The following MYO10 variants were observed in gnomAD, a reference collection of about 807,000 sequenced individuals.
MYO10 encodes the protein myosin X.
In MYO10, 133 loss-of-function variants were observed where a neutral mutation model predicts 257.3. That is an observed-to-expected ratio of 0.52 (90% CI 0.45 to 0.60). The LOEUF (loss-of-function observed/expected upper bound fraction) is 0.60, where lower values mean the gene tolerates loss of function less well. MYO10 is among the 20% of genes least tolerant of loss of function. The pLI, the probability that MYO10 is intolerant of heterozygous loss-of-function variation, is 0.00. For missense variants in MYO10, 2,399 were observed against 2,635.7 expected, an observed-to-expected ratio of 0.91 and a Z score of 1.97; for synonymous variants, 1,104 against 1,028.6, an observed-to-expected ratio of 1.07 and a Z score of -1.40.
At chr5:16,686,036 T>C (rs1737238760) in intron 28 of MYO10, among the ~76,000 whole-genome samples, 1 of 152,208 alleles carries the variant, frequency 6.6e-6, no homozygotes, top group African/African-American at 2.4e-5. Context: ...TGCCTTTTAG[T>C]GCTATATTAT....
intron 26 of MYO10, among the ~76,000 whole-genome samples, chr5:16,696,125 G>A (rs752033628): frequency 5.9e-4 from 90 of 152,144 alleles, no homozygotes; most frequent in Non-Finnish European, 1.0e-3. Context: ...GAGTCATCAC[G>A]ACAGCTCTCA....
At chr5:16,900,952 C>T (rs1745361418) in intron 1 of MYO10, among the ~76,000 whole-genome samples, 1 of 152,092 alleles carries the variant, frequency 6.6e-6, no homozygotes, top group South Asian at 2.1e-4. Context: ...GTTGGCCAGG[C>T]TGGTCTCAAA....
chr5:16,846,479 A>G (rs1743638405), intron 2 of MYO10, among the ~76,000 whole-genome samples: 1 of 152,202 alleles, frequency 6.6e-6, no homozygotes, highest in African/African-American at 2.4e-5. Context: ...ATTCTCCCAG[A>G]TTTTGGTCAC....
intron 1 of MYO10, among the ~76,000 whole-genome samples, chr5:16,909,634 G>A (rs1745608051): frequency 6.6e-6 from 1 of 152,018 alleles, no homozygotes; most frequent in Non-Finnish European, 1.5e-5. Context: ...CGACACATGG[G>A]GATTATGGGA....
intron 19 of MYO10, among the ~76,000 whole-genome samples, chr5:16,739,481 T>C (rs572148757): frequency 7.2e-5 from 11 of 152,180 alleles, no homozygotes; most frequent in Non-Finnish European, 1.6e-4. Flanking sequence ...AGTTTGGCTA[T>C]ATATACATCA....
chr5:16,723,646 C>CACAAA (rs1739244199), intron 19 of MYO10, among the ~76,000 whole-genome samples: 1 of 152,192 alleles, frequency 6.6e-6, no homozygotes, highest in Non-Finnish European at 1.5e-5. Context: ...CTTACGTCCA[C>CACAAA]ACAAAAATCT....
intron 2 of MYO10, among the ~76,000 whole-genome samples, chr5:16,859,648 G>C (rs2126744177): frequency 6.6e-6 from 1 of 152,326 alleles, no homozygotes; most frequent in East Asian, 1.9e-4. Flanking sequence ...TTGGGAGGCT[G>C]AGACAGGAGG....
At chr5:16,689,616 T>A (rs1029189527) in intron 28 of MYO10, among the ~76,000 whole-genome samples, 2 of 151,678 alleles carry the variant, frequency 1.3e-5, no homozygotes, top group African/African-American at 4.9e-5. Context: ...CTGGAAATCC[T>A]GAACTCTGTG....
chr5:16,785,058 A>G (rs1277208977), intron 4 of MYO10, among the ~76,000 whole-genome samples: 1 of 152,228 alleles, frequency 6.6e-6, no homozygotes, highest in Non-Finnish European at 1.5e-5. Flanking sequence ...GACAACAAAG[A>G]TCTGACGATC....
At chr5:16,676,970 C>T (rs543785475) in intron 33 of MYO10, among the ~76,000 whole-genome samples, 39 of 152,264 alleles carry the variant, frequency 2.6e-4, no homozygotes, top group South Asian at 2.1e-3. Context: ...TCTTGAATTG[C>T]TGTTTTCTAT....
intron 18 of MYO10, among the ~76,000 whole-genome samples, chr5:16,755,927 C>T (rs1188168937): frequency 1.1e-4 from 17 of 152,102 alleles, no homozygotes; most frequent in Admixed American, 1.1e-3. Flanking sequence ...AAAGGCTAAA[C>T]ACTTTAAAGC....
chr5:16,908,405 G>C (rs1185378014), intron 1 of MYO10, among the ~76,000 whole-genome samples: 2 of 151,782 alleles, frequency 1.3e-5, no homozygotes, highest in African/African-American at 4.8e-5. Flanking sequence ...GCACACACCT[G>C]TAATCCCAGC....
At chr5:16,675,208 C>T in intron 34 of MYO10, 58 bp from the exon 35 acceptor site, 1 of 1,567,162 alleles carries the variant, frequency 6.4e-7, no homozygotes, top group Non-Finnish European at 8.7e-7. Context: ...AGGGCATGAG[C>T]ATAATCGGAG....
chr5:16,891,910 GA>G (rs1448281954), intron 1 of MYO10, among the ~76,000 whole-genome samples: 1 of 152,188 alleles, frequency 6.6e-6, no homozygotes. Context: ...GTTCACAAGC[GA>G]GACCTGTACA....
intron 19 of MYO10, among the ~76,000 whole-genome samples, chr5:16,721,475 C>CT (rs5866204): frequency 0.84 from 127,075 of 152,138 alleles, 53,318 homozygotes; most frequent in Non-Finnish European, 0.86. Flanking sequence ...CTGTTAAACA[C>CT]TTACACAGTG....
At chr5:16,763,849 A>C (rs758827557) in intron 12 of MYO10, 94 bp from the exon 13 acceptor site, 7 of 822,180 alleles carry the variant, frequency 8.5e-6, no homozygotes, top group Non-Finnish European at 1.2e-5. Flanking sequence ...GCAGAGAAAA[A>C]TATCAATGCC....
intron 19 of MYO10, among the ~76,000 whole-genome samples, chr5:16,720,959 T>C (rs866050292): frequency 3.2e-4 from 48 of 152,332 alleles, no homozygotes; most frequent in Middle Eastern, 6.8e-3. Context: ...GAATACTGTA[T>C]GTGTGGGGCA....
intron 2 of MYO10, among the ~76,000 whole-genome samples, chr5:16,843,993 G>C (rs1743558116): frequency 6.6e-6 from 1 of 152,144 alleles, no homozygotes; most frequent in Non-Finnish European, 1.5e-5. Context: ...CAAGCACAAA[G>C]ATTGACACGC....
chr5:16,712,910 G>C (rs746419533), intron 19 of MYO10, among the ~76,000 whole-genome samples: 5 of 152,172 alleles, frequency 3.3e-5, no homozygotes, highest in Non-Finnish European at 7.3e-5. Flanking sequence ...AACAAAATTA[G>C]CCTTGGTGAC....
Sources: gnomAD v4.1 joint callset for allele counts (sites outside exome capture counted in the v4.1 genomes callset) on GRCh38, gnomAD v4.1.1 for gene constraint, MANE v1.5 for transcripts, NCBI Gene and HGNC (gene_info 2026-07-23, HGNC 2026-07-21) for gene names.